The following EYS variants were observed in gnomAD, a reference collection of about 807,000 sequenced individuals.
EYS encodes EGF-like photoreceptor maintenance factor.
In EYS, 250 loss-of-function variants were observed where a neutral mutation model predicts 282.1. The ratio of observed to expected loss-of-function variants is 0.89; its 90% CI spans 0.80 to 0.98. EYS has a LOEUF of 0.98. Ranked by LOEUF, EYS falls within the 50% of genes least tolerant of loss-of-function variation. The pLI is 0.00. For synonymous variants in EYS, 1,355 were observed against 1,282.9 expected (o/e 1.06, Z -1.20); for missense variants, 4,016 against 3,709.0 (o/e 1.08, Z -2.15).
chr6:64,180,561 A>C (rs987580184), intron 31 of EYS, among the ~76,000 whole-genome samples: 2 of 150,116 alleles, frequency 1.3e-5, no homozygotes, highest in African/African-American at 5.1e-5. Context: ...GAAGTTTTTC[A>C]ACCCATACCC....
intron 35 of EYS, among the ~76,000 whole-genome samples, chr6:63,967,901 T>A (rs572195223): frequency 6.6e-6 from 1 of 152,276 alleles, no homozygotes; most frequent in Non-Finnish European, 1.5e-5. Flanking sequence ...ATCTCCTCCC[T>A]CAAAAACAAA....
At chr6:65,400,438 T>C (rs565293152) in intron 7 of EYS, among the ~76,000 whole-genome samples, 3 of 151,946 alleles carry the variant, frequency 2.0e-5, no homozygotes, top group African/African-American at 2.4e-5. Flanking sequence ...TATCAGACTC[T>C]ACTTGTGTGC....
At chr6:64,824,774 C>T (rs1765001364) in intron 19 of EYS, among the ~76,000 whole-genome samples, 1 of 151,888 alleles carries the variant, frequency 6.6e-6, no homozygotes, top group Admixed American at 6.6e-5. Context: ...GAAATGTTCT[C>T]TCCATAAAAG....
chr6:64,709,242 A>T (rs1044395870), intron 22 of EYS, among the ~76,000 whole-genome samples: 1 of 152,164 alleles, frequency 6.6e-6, no homozygotes. Context: ...TGAAAATGTG[A>T]AATCCTTACA....
intron 26 of EYS, among the ~76,000 whole-genome samples, chr6:64,562,237 T>C (rs1765419746): frequency 6.6e-6 from 1 of 151,844 alleles, no homozygotes; most frequent in Admixed American, 6.6e-5. Context: ...ATTCTTTTCC[T>C]TATTAATTCT....
chr6:64,811,182 T>G (rs1218604886), intron 22 of EYS, among the ~76,000 whole-genome samples: 4 of 152,008 alleles, frequency 2.6e-5, no homozygotes, highest in African/African-American at 9.7e-5. Flanking sequence ...CTCTGACTTC[T>G]CATAGTGTAG....
At chr6:64,015,497 G>A (rs1485612299) in intron 33 of EYS, among the ~76,000 whole-genome samples, 1 of 151,530 alleles carries the variant, frequency 6.6e-6, no homozygotes, top group Non-Finnish European at 1.5e-5. Flanking sequence ...AGGTAAAATA[G>A]CAAAAAATAG....
In EYS at chr6:65,442,782, A is replaced by T. The variant is rs1006702859; in HGVS notation, c.863-37415T>A. ...AAATAAAAATAAAAAATAAAAAATT[A>T]AAAAAAAATATATAGACACACACAC... On this transcript the variant is annotated intron_variant, in intron 5 of 42. Transcript: ENST00000503581. 4.9e-5 allele frequency among the ~76,000 whole-genome samples: 7 copies of T among 142,474 alleles called. 1 individual carries two copies. Among genetic ancestry groups the T allele is most frequent in the South Asian group, 2.2e-4 (1 of 4,520 alleles). 93.5% of individuals were successfully genotyped at this position (142,474 alleles called of 152,430 possible). A position where few individuals can be genotyped will look rare whatever the true frequency, so the allele number is the denominator to read the frequency against.
At chr6:63,834,583 A>G (rs1012853955) in intron 36 of EYS, among the ~76,000 whole-genome samples, 2 of 148,618 alleles carry the variant, frequency 1.3e-5, no homozygotes, top group Non-Finnish European at 3.0e-5. Flanking sequence ...GGAGAAATAG[A>G]AACGCTTTTA....
At chr6:65,329,505 G>C in intron 11 of EYS, 1 of 979,320 alleles carries the variant, frequency 1.0e-6, no homozygotes, top group Non-Finnish European at 1.2e-6. Flanking sequence ...TTGATCTAGT[G>C]GTTTCAAGAC....
intron 24 of EYS, among the ~76,000 whole-genome samples, chr6:64,616,066 T>C (rs1164956400): frequency 1.3e-5 from 2 of 152,156 alleles, no homozygotes; most frequent in Non-Finnish European, 2.9e-5. Flanking sequence ...ATTTTATAGA[T>C]ATTTGGTAGT....
chr6:64,145,555 CA>C (rs1774486756), intron 31 of EYS, among the ~76,000 whole-genome samples: 1 of 152,132 alleles, frequency 6.6e-6, no homozygotes, highest in African/African-American at 2.4e-5. Flanking sequence ...TCACAAGTGC[CA>C]AATGAATAAA....
intron 36 of EYS, among the ~76,000 whole-genome samples, chr6:63,818,898 C>G (rs1242213902): frequency 6.6e-6 from 1 of 152,366 alleles, no homozygotes; most frequent in East Asian, 1.9e-4. Flanking sequence ...AAAGTTCTGC[C>G]ATTCATCTAT....
At chr6:65,038,189 T>A (rs9345592) in intron 13 of EYS, among the ~76,000 whole-genome samples, 10,363 of 151,624 alleles carry the variant, frequency 0.068, 447 homozygotes, top group East Asian at 0.13. Flanking sequence ...AGATGGGTTT[T>A]AAAAATGCAT....
At chr6:64,863,771 A>C (rs1163093115) in intron 19 of EYS, among the ~76,000 whole-genome samples, 1 of 152,094 alleles carries the variant, frequency 6.6e-6, no homozygotes, top group African/African-American at 2.4e-5. Flanking sequence ...ATTTTCTGAA[A>C]ACCCTTATAG....
chr6:64,276,647 C>T (rs1768125296), intron 30 of EYS, among the ~76,000 whole-genome samples: 1 of 151,974 alleles, frequency 6.6e-6, no homozygotes, highest in Admixed American at 6.6e-5. Context: ...ACAAGGCTTT[C>T]AAAAAGTCAG....
intron 22 of EYS, among the ~76,000 whole-genome samples, chr6:64,768,693 G>T (rs1477421255): frequency 6.6e-6 from 1 of 152,218 alleles, no homozygotes; most frequent in African/African-American, 2.4e-5. Context: ...TGGTGATAAA[G>T]GTACAGAAGC....
At chr6:65,333,147 T>A (rs944545523) in intron 11 of EYS, among the ~76,000 whole-genome samples, 4 of 151,504 alleles carry the variant, frequency 2.6e-5, no homozygotes, top group Non-Finnish European at 4.4e-5. Context: ...TTATCCATTG[T>A]GTTGTGGAAG....
At chr6:64,335,087 A>T (rs1311978793) in intron 29 of EYS, among the ~76,000 whole-genome samples, 2 of 152,108 alleles carry the variant, frequency 1.3e-5, no homozygotes, top group South Asian at 4.1e-4. Flanking sequence ...GTACCCACTC[A>T]AGAAGAAATA....
Sources: gnomAD v4.1 joint callset for allele counts (sites outside exome capture counted in the v4.1 genomes callset) on GRCh38, gnomAD v4.1.1 for gene constraint, MANE v1.5 for transcripts, NCBI Gene and HGNC (gene_info 2026-07-23, HGNC 2026-07-21) for gene names.